Variants in CRYBG1 observed in about 807,000 individuals in gnomAD.
The protein encoded by CRYBG1 is beta/gamma crystallin domain-containing protein 1.
A neutral mutation model predicts 189.2 loss-of-function variants in CRYBG1; 139 were observed. The observed-to-expected ratio is 0.73, with a 90% CI of 0.64 to 0.85. CRYBG1 has a LOEUF of 0.85. Ranked by LOEUF, CRYBG1 falls within the 40% of genes least tolerant of loss-of-function variation. The pLI, the probability that CRYBG1 is intolerant of heterozygous loss-of-function variation, is 0.00. For missense variants in CRYBG1, 2,611 were observed against 2,675.8 expected, an observed-to-expected ratio of 0.98 and a Z score of 0.53; for synonymous variants, 1,023 against 1,017.1, an observed-to-expected ratio of 1.01 and a Z score of -0.11.
rs1297488223 is a variant in CRYBG1 at position 106,511,896 on chromosome 6, G to A, written c.779G>A (p.Gly260Glu). 2 of 1,522,156 alleles carry A rather than the reference G, an allele frequency of 1.3e-6. No homozygotes were observed. The highest frequency in any genetic ancestry group is 1.2e-5 in the South Asian group (1 of 82,938). 94.3% of individuals were successfully genotyped at this position (1,522,156 alleles called of 1,614,324 possible). A position where few individuals can be genotyped will look rare whatever the true frequency, so the allele number is the denominator to read the frequency against. ...TTAKQLHSSP[G>E]NSSRQENAET... ...GCCAAGCAGCTGCATTCCTCGCCGGGAAATTCCTCCAGGCAAGAGAACGCA... is the reference window on the plus strand; with the variant it reads ...GCCAAGCAGCTGCATTCCTCGCCGGAAAATTCCTCCAGGCAAGAGAACGCA... Residue 260 changes from glycine (G) to glutamate (E), a missense_variant, in exon 3 of 22, where the codon GGA becomes GAA. By Grantham distance (98) the Gly-to-Glu change is moderately conservative (BLOSUM62 -2). Around this residue, in one of 3 missense-constraint regions of CRYBG1, gnomAD observed 985 missense variants for 924.4 expected, o/e 1.07. Coordinates refer to ENST00000633556, the MANE Select transcript of CRYBG1 (RefSeq NM_001371242.2).
In CRYBG1 at chr6:106,519,575, A is replaced by G; in HGVS notation, c.2367A>G (p.Val789=). ...CTAACCAAGATGATAAAGCAGATGT[A>G]CAAACAGATGCTGGCTGCCTTTCAG... is the stretch of plus-strand genomic sequence containing the variant. ...PQPNQDDKAD[V]QTDAGCLSEP... is the part of the protein sequence containing the mutation. The change falls in exon 4 of 22, where the codon GTA becomes GTG. Residue 789 remains valine (V), a synonymous_variant. Coordinates refer to ENST00000633556, the MANE Select transcript of CRYBG1 (RefSeq NM_001371242.2). 1.2e-6 allele frequency: 2 copies of G among 1,614,232 alleles called. No homozygotes were observed. The highest frequency in any genetic ancestry group is 8.5e-7 in the Non-Finnish European group (1 of 1,180,032).
At chr6:106,542,190 G>A (rs1194750287) in intron 10 of CRYBG1, among the ~76,000 whole-genome samples, 15 of 147,840 alleles carry the variant, frequency 1.0e-4, no homozygotes, top group Non-Finnish European at 1.5e-4. Flanking sequence ...AAACTGTTTG[G>A]AACCATGGCT....
At chr6:106,366,300 C>G (rs1211134462) in intron 1 of CRYBG1, among the ~76,000 whole-genome samples, 1 of 152,064 alleles carries the variant, frequency 6.6e-6, no homozygotes, top group Non-Finnish European at 1.5e-5. Context: ...TGAGTTTTCC[C>G]TCTTATTTTC....
intron 1 of CRYBG1, among the ~76,000 whole-genome samples, chr6:106,439,846 T>C (rs1350143469): frequency 1.3e-5 from 2 of 152,188 alleles, no homozygotes; most frequent in African/African-American, 2.4e-5. Context: ...GAAACTGATA[T>C]ATGTTCCCGG....
intron 8 of CRYBG1, among the ~76,000 whole-genome samples, chr6:106,530,535 G>C (rs1773855307): frequency 7.0e-6 from 1 of 142,800 alleles, no homozygotes; most frequent in Non-Finnish European, 1.6e-5. Flanking sequence ...TAGGAAATGG[G>C]GGGGGATTGA....
intron 2 of CRYBG1, among the ~76,000 whole-genome samples, chr6:106,496,248 A>G (rs1022060589): frequency 6.6e-6 from 1 of 152,254 alleles, no homozygotes; most frequent in African/African-American, 2.4e-5. Flanking sequence ...CATAAGACCT[A>G]TTAAACTTTG....
chr6:106,430,962 A>G (rs1437027206), intron 1 of CRYBG1, among the ~76,000 whole-genome samples: 3 of 152,074 alleles, frequency 2.0e-5, no homozygotes, highest in African/African-American at 7.2e-5. Context: ...CCCGGGTTCA[A>G]GTGATTCTCA....
intron 11 of CRYBG1, among the ~76,000 whole-genome samples, chr6:106,543,923 A>G (rs1774199467): frequency 6.6e-6 from 1 of 152,194 alleles, no homozygotes; most frequent in African/African-American, 2.4e-5. Context: ...GTGGTGTCAC[A>G]TGCCTGTGAT....
intron 1 of CRYBG1, among the ~76,000 whole-genome samples, chr6:106,419,964 T>C (rs1170253054): frequency 2.0e-5 from 3 of 152,244 alleles, no homozygotes; most frequent in Non-Finnish European, 4.4e-5. Context: ...CTTGGCTCTC[T>C]GATTTACTCT....
chr6:106,429,719 C>G (rs1444190150), intron 1 of CRYBG1, among the ~76,000 whole-genome samples: 1 of 152,204 alleles, frequency 6.6e-6, no homozygotes, highest in African/African-American at 2.4e-5. Context: ...CATTACTTAA[C>G]CTCTTTTAGT....
chr6:106,530,070 A>G (rs1022803405), intron 7 of CRYBG1, 106 bp from the exon 8 acceptor site: 1 of 1,092,124 alleles, frequency 9.2e-7, no homozygotes, highest in Admixed American at 2.9e-5. Context: ...TGTGTTTGTA[A>G]ATTTAAAGCT....
intron 21 of CRYBG1, among the ~76,000 whole-genome samples, chr6:106,567,122 T>G (rs1288839197): frequency 6.6e-6 from 1 of 152,248 alleles, no homozygotes; most frequent in Non-Finnish European, 1.5e-5. Context: ...GATACTTTAC[T>G]TTTAAAATAC....
chr6:106,472,774 C>T (rs545899517), intron 2 of CRYBG1, among the ~76,000 whole-genome samples: 1 of 151,472 alleles, frequency 6.6e-6, no homozygotes, highest in South Asian at 2.1e-4. Context: ...TGTGGTGGCA[C>T]GTGCCTGTAG....
chr6:106,429,332 A>T (rs561738893), intron 1 of CRYBG1, among the ~76,000 whole-genome samples: 5 of 152,168 alleles, frequency 3.3e-5, no homozygotes, highest in Non-Finnish European at 7.3e-5. Flanking sequence ...TCTTTTAGGG[A>T]CTATAAAATA....
intron 3 of CRYBG1, among the ~76,000 whole-genome samples, chr6:106,517,480 A>G (rs569825749): frequency 1.3e-5 from 2 of 148,536 alleles, no homozygotes; most frequent in Non-Finnish European, 2.9e-5. Flanking sequence ...ACACATATAT[A>G]TATACACACA....
chr6:106,386,207 G>C (rs947589104), intron 1 of CRYBG1, among the ~76,000 whole-genome samples: 1 of 152,092 alleles, frequency 6.6e-6, no homozygotes, highest in African/African-American at 2.4e-5. Flanking sequence ...CTTTCTTTTT[G>C]TTGGCAGTCT....
intron 11 of CRYBG1, 32 bp from the exon 12 acceptor site, chr6:106,544,539 A>G (rs772663199): frequency 1.6e-5 from 26 of 1,604,668 alleles, no homozygotes; most frequent in African/African-American, 4.0e-5. Context: ...CATGTCTGGA[A>G]ATGACTACTC....
In CRYBG1 at chr6:106,509,925, AGTACCAGGACT is replaced by A. The variant is rs562554840; in HGVS notation, c.313-1502_313-1492del. ...CTGTAGCGGGGTGACACTATGTTACAGTACCAGGACTGTCTCAACAAATGCTTGTTGACCTG... is the reference window on the plus strand; with the variant it reads ...CTGTAGCGGGGTGACACTATGTTACAGTCTCAACAAATGCTTGTTGACCTG... On this transcript the variant is annotated intron_variant, in intron 2 of 21. Coordinates refer to ENST00000633556, the MANE Select transcript of CRYBG1 (RefSeq NM_001371242.2). Among the ~76,000 whole-genome samples the A allele has an allele frequency of 6.3e-3, 957 of 152,186 alleles. 6 individuals are homozygous for A. The highest frequency in any genetic ancestry group is 0.034 in the Middle Eastern group (10 of 294).
In CRYBG1 at chr6:106,436,495, C is replaced by A. The variant is rs541616003; in HGVS notation, c.174-15199C>A. 8.5e-5 allele frequency among the ~76,000 whole-genome samples: 13 copies of A among 152,206 alleles called. No homozygotes were observed. In the East Asian group the frequency reaches 2.1e-3, roughly 25 times the overall value. On this transcript the variant is annotated intron_variant, in intron 1 of 21. Transcript: ENST00000633556. ...AATTTTAGTAGAGACGGGGTTTCAC[C>A]GTGTTAGCCAGGATGGTCTCGATCT...
Sources: allele counts gnomAD v4.1 joint callset (sites outside exome capture counted in the v4.1 genomes callset), GRCh38; gene constraint gnomAD v4.1.1; regional missense constraint gnomAD v4.1.1; transcripts MANE v1.5; gene names NCBI Gene and HGNC (gene_info 2026-07-23, HGNC 2026-07-21).